UCK2: variants seen among roughly 807,000 people sequenced by gnomAD.
The protein encoded by UCK2 is cytidine monophosphokinase 2.
A neutral mutation model predicts 30.8 loss-of-function variants in UCK2; 6 were observed. The ratio of observed to expected loss-of-function variants is 0.19; its 90% CI spans 0.11 to 0.38. UCK2 has a LOEUF of 0.38. UCK2 is among the 10% of genes least tolerant of loss of function. The probability of loss-of-function intolerance (pLI) is 1.00; values close to 1 mark genes in which losing one functional copy is unlikely to be tolerated. For missense variants in UCK2, 210 were observed against 339.8 expected, an observed-to-expected ratio of 0.62 and a Z score of 3.00; for synonymous variants, 125 against 133.6, an observed-to-expected ratio of 0.94 and a Z score of 0.45.
chr1:165,899,038 G>A (rs1008538034), intron 4 of UCK2, among the ~76,000 whole-genome samples: 1 of 152,196 alleles, frequency 6.6e-6, no homozygotes, highest in Non-Finnish European at 1.5e-5. Context: ...TGCTGGGGTA[G>A]GGAGGCTGGT....
intron 1 of UCK2, among the ~76,000 whole-genome samples, chr1:165,839,109 G>A (rs372295101): frequency 2.6e-5 from 4 of 151,802 alleles, no homozygotes; most frequent in East Asian, 3.9e-4. Flanking sequence ...CTTTAAATTC[G>A]TATTGTCAAG....
In UCK2 at chr1:165,836,600, A is replaced by G. The variant is rs187482764; in HGVS notation, c.99+8668A>G. 5.3e-5 allele frequency among the ~76,000 whole-genome samples: 8 copies of G among 152,312 alleles called. No individual in the cohort carries two copies. The East Asian group carries it at 1.3e-3, about 26-fold the overall frequency. On this transcript the variant is annotated intron_variant, in intron 1 of 6. Coordinates refer to ENST00000367879, the MANE Select transcript of UCK2 (RefSeq NM_012474.5). ...CTCCAGACTTGTAAAAGGAATTGTT[A>G]TTCAGTCATTAAGTCATTCATCTTC... is the stretch of plus-strand genomic sequence containing the variant.
At chr1:165,904,684 A>T (rs1647592794) in intron 5 of UCK2, among the ~76,000 whole-genome samples, 1 of 152,202 alleles carries the variant, frequency 6.6e-6, no homozygotes. Flanking sequence ...CTTGGACCTG[A>T]TAAATGTCTG....
At chr1:165,899,014 G>C (rs2101885982) in intron 4 of UCK2, among the ~76,000 whole-genome samples, 1 of 152,306 alleles carries the variant, frequency 6.6e-6, no homozygotes, top group Middle Eastern at 3.4e-3. Flanking sequence ...CATGTGCTTT[G>C]TGGAGTGCGG....
intron 1 of UCK2, among the ~76,000 whole-genome samples, chr1:165,834,088 C>T (rs1166989524): frequency 4.0e-5 from 6 of 151,892 alleles, no homozygotes; most frequent in Non-Finnish European, 8.8e-5. Flanking sequence ...TTTTAAAAAT[C>T]TTGTTTAATA....
At chr1:165,874,377 T>C (rs1379960092) in intron 1 of UCK2, among the ~76,000 whole-genome samples, 1 of 152,196 alleles carries the variant, frequency 6.6e-6, no homozygotes, top group Non-Finnish European at 1.5e-5. Flanking sequence ...TAGGGTTTAT[T>C]TGGGGGACTC....
At chr1:165,863,858 T>A (rs1571278988) in intron 1 of UCK2, among the ~76,000 whole-genome samples, 1 of 152,366 alleles carries the variant, frequency 6.6e-6, no homozygotes, top group East Asian at 1.9e-4. Flanking sequence ...CTCTGAAATT[T>A]ATATAGAAAG....
At chr1:165,829,154 A>G (rs1242458654) in intron 1 of UCK2, among the ~76,000 whole-genome samples, 1 of 151,960 alleles carries the variant, frequency 6.6e-6, no homozygotes, top group Non-Finnish European at 1.5e-5. Context: ...GCGCTGCTGG[A>G]CTTCTTTATT....
intron 1 of UCK2, among the ~76,000 whole-genome samples, chr1:165,841,111 G>GTGTATATATATATATA (rs1467504223): frequency 1.4e-5 from 2 of 144,962 alleles, no homozygotes; most frequent in African/African-American, 5.2e-5. Context: ...GTGTGTGTGT[G>GTGTATATATATATATA]TATATATATA....
At chr1:165,901,938 C>T (rs796522466) in intron 4 of UCK2, among the ~76,000 whole-genome samples, 9 of 117,430 alleles carry the variant, frequency 7.7e-5, no homozygotes, top group African/African-American at 1.1e-4. Flanking sequence ...AGCAAGACCC[C>T]GTGTCTACCA....
chr1:165,845,726 G>A (rs1184412506), intron 1 of UCK2, among the ~76,000 whole-genome samples: 1 of 152,174 alleles, frequency 6.6e-6, no homozygotes, highest in African/African-American at 2.4e-5. Flanking sequence ...GGAGTGCAGT[G>A]GCATGATCAC....
chr1:165,864,095 C>T (rs1654986730), intron 1 of UCK2, among the ~76,000 whole-genome samples: 1 of 152,104 alleles, frequency 6.6e-6, no homozygotes, highest in Admixed American at 6.6e-5. Context: ...TTACAGGCAC[C>T]TACCACCATG....
At chr1:165,863,660 T>C (rs1654975534) in intron 1 of UCK2, among the ~76,000 whole-genome samples, 2 of 152,200 alleles carry the variant, frequency 1.3e-5, no homozygotes, top group South Asian at 4.1e-4. Flanking sequence ...GGAGTTGTCA[T>C]TGGAACCACA....
intron 6 of UCK2, among the ~76,000 whole-genome samples, chr1:165,906,963 G>A (rs886175725): frequency 1.3e-5 from 2 of 152,170 alleles, no homozygotes; most frequent in Non-Finnish European, 2.9e-5. Flanking sequence ...ACCTGGAGAT[G>A]TTCCCTATCT....
chr1:165,837,434 C>T (rs1654222502), intron 1 of UCK2, among the ~76,000 whole-genome samples: 1 of 152,200 alleles, frequency 6.6e-6, no homozygotes, highest in Admixed American at 6.5e-5. Context: ...ACATCCCCTG[C>T]CGTTTGCTAA....
intron 4 of UCK2, among the ~76,000 whole-genome samples, chr1:165,898,879 T>C (rs1022082847): frequency 1.2e-4 from 18 of 152,340 alleles, no homozygotes; most frequent in Non-Finnish European, 2.4e-4. Context: ...CTTTCTCATT[T>C]CAGATCTGCT....
chr1:165,841,111 GTATATA>G lies in UCK2; in HGVS notation c.99+13196_99+13201del, dbSNP rs61030546. 1.4e-3 allele frequency among the ~76,000 whole-genome samples: 210 copies of G among 144,896 alleles called. No individual in the cohort carries two copies. The East Asian group carries it at 0.026, about 18-fold the overall frequency. The stretch of plus-strand genomic sequence containing the variant: ...TGTGCACACGTATGTGTGTGTGTGT[GTATATA>G]TATATATATATATATAAAATGAATA... On this transcript the variant is annotated intron_variant, in intron 1 of 6. Coordinates refer to ENST00000367879, the MANE Select transcript of UCK2 (RefSeq NM_012474.5).
intron 6 of UCK2, 104 bp from the exon 7 acceptor site, chr1:165,907,580 C>G: frequency 6.8e-7 from 1 of 1,478,064 alleles, no homozygotes; most frequent in East Asian, 2.3e-5. Flanking sequence ...CCCTGGAAGT[C>G]TTTCTACTGT....
rs372295101 is a variant in UCK2 at position 165,839,109 on chromosome 1, G to C, written c.99+11177G>C. Among the ~76,000 whole-genome samples, 4 of 151,802 alleles carry C rather than the reference G, an allele frequency of 2.6e-5. No homozygotes were observed. In the East Asian group the frequency reaches 7.7e-4, roughly 29 times the overall value. ...AACTTAAACTTTTAACTTTAAATTC[G>C]TATTGTCAAGCTCTTAAAGAACTGT... is the stretch of plus-strand genomic sequence containing the variant. On this transcript the variant is annotated intron_variant, in intron 1 of 6. Transcript: ENST00000367879.
Sources: allele counts gnomAD v4.1 joint callset (sites outside exome capture counted in the v4.1 genomes callset), GRCh38; gene constraint gnomAD v4.1.1; transcripts MANE v1.5; gene names NCBI Gene and HGNC (gene_info 2026-07-23, HGNC 2026-07-21).